Variants in OPCML observed in about 807,000 individuals in gnomAD.
OPCML encodes opioid-binding protein/cell adhesion molecule.
In OPCML, 13 loss-of-function variants were observed where a neutral mutation model predicts 37.8. The ratio of observed to expected loss-of-function variants is 0.34; its 90% CI spans 0.22 to 0.55. OPCML has a LOEUF of 0.55. OPCML is among the 20% of genes least tolerant of loss of function. OPCML has a pLI of 0.91. For missense variants in OPCML, 341 were observed against 435.6 expected, an observed-to-expected ratio of 0.78 and a Z score of 1.93; for synonymous variants, 176 against 168.8, an observed-to-expected ratio of 1.04 and a Z score of -0.33.
intron 1 of OPCML, among the ~76,000 whole-genome samples, chr11:133,178,360 C>T (rs1937651362): frequency 6.6e-6 from 1 of 152,070 alleles, no homozygotes; most frequent in South Asian, 2.1e-4. Context: ...CTCTGGGGGA[C>T]ATGGTTCGCA....
At chr11:133,410,634 TAAAAAAAAAAAAAA>T (rs71038527) in intron 1 of OPCML, among the ~76,000 whole-genome samples, 127 of 46,982 alleles carry the variant, frequency 2.7e-3, no homozygotes, top group Non-Finnish European at 5.0e-3. Context: ...AGAAAAAAAG[TAAAAAAAAAAAAAA>T]AAAAAAAAAA....
chr11:132,628,141 C>A (rs1018931220), intron 3 of OPCML, among the ~76,000 whole-genome samples: 13 of 151,878 alleles, frequency 8.6e-5, no homozygotes, highest in African/African-American at 3.1e-4. Flanking sequence ...AAGACAGGAG[C>A]CAGGAAGGTG....
intron 4 of OPCML, among the ~76,000 whole-genome samples, chr11:132,505,979 G>A (rs1183944027): frequency 6.6e-6 from 1 of 151,780 alleles, no homozygotes; most frequent in Non-Finnish European, 1.5e-5. Flanking sequence ...CTCCCGGAAA[G>A]AATTTTCAAC....
At chr11:133,220,520 A>G (rs1255320587) in intron 1 of OPCML, among the ~76,000 whole-genome samples, 6 of 152,104 alleles carry the variant, frequency 3.9e-5, no homozygotes, top group Non-Finnish European at 8.8e-5. Flanking sequence ...AGGTCAGAGG[A>G]GGAGAGGTCT....
At chr11:132,833,283 C>T (rs1415406699) in intron 2 of OPCML, among the ~76,000 whole-genome samples, 1 of 152,062 alleles carries the variant, frequency 6.6e-6, no homozygotes, top group Non-Finnish European at 1.5e-5. Flanking sequence ...ACTTTTTAGT[C>T]TGTTTTGTTA....
intron 1 of OPCML, among the ~76,000 whole-genome samples, chr11:133,504,216 T>C (rs1441775854): frequency 1.3e-5 from 2 of 152,204 alleles, no homozygotes; most frequent in African/African-American, 4.8e-5. Flanking sequence ...CCAAATCCCC[T>C]AAAACACTTT....
At chr11:132,517,405 C>A (rs1380559935) in intron 4 of OPCML, among the ~76,000 whole-genome samples, 1 of 152,130 alleles carries the variant, frequency 6.6e-6, no homozygotes, top group Admixed American at 6.5e-5. Context: ...AGGAAACAAA[C>A]CTTTCTAAGA....
In OPCML at chr11:132,529,103, T is replaced by G. The variant is rs763162709; in HGVS notation, c.463A>C (p.Arg155=). 6 of 1,613,424 alleles carry G rather than the reference T, an allele frequency of 3.7e-6. No individual in the cohort carries two copies. The highest frequency in any genetic ancestry group is 3.4e-6 in the Non-Finnish European group (4 of 1,179,638). The change falls in exon 4 of 8, where the codon AGA becomes CGA. Residue 155 remains arginine (R), a synonymous_variant. Coordinates refer to ENST00000524381, the MANE Select transcript of OPCML (RefSeq NM_001012393.5). ...CTCCATGTCACAGTTGGCTCTGGTC[T>G]GCCAATAGCAAGACACAGCAGGGTC... ...SVTLLCLAIG[R]PEPTVTWRHL... is the part of the protein sequence containing the mutation.
chr11:132,543,651 G>T (rs757173597), intron 3 of OPCML, among the ~76,000 whole-genome samples: 14 of 151,946 alleles, frequency 9.2e-5, no homozygotes, highest in Non-Finnish European at 1.9e-4. Flanking sequence ...AACACAATAG[G>T]TTTTGACTCT....
At chr11:132,656,210 T>C (rs539237934) in intron 3 of OPCML, among the ~76,000 whole-genome samples, 52 of 152,264 alleles carry the variant, frequency 3.4e-4, no homozygotes, top group Middle Eastern at 3.4e-3. Flanking sequence ...GTGATGATAG[T>C]TGGGGTCAAG....
intron 3 of OPCML, among the ~76,000 whole-genome samples, chr11:132,633,193 C>T (rs1169943876): frequency 6.6e-6 from 1 of 152,096 alleles, no homozygotes; most frequent in Non-Finnish European, 1.5e-5. Flanking sequence ...TTGAGGGGGA[C>T]AATCGGTAGC....
At chr11:133,505,753 A>C (rs4937787) in intron 1 of OPCML, among the ~76,000 whole-genome samples, 22,181 of 152,236 alleles carry the variant, frequency 0.15, 1,952 homozygotes, top group Admixed American at 0.27. Context: ...CCTCCTTAGA[A>C]AGAGGACATG....
rs745515649 is a variant in OPCML, at chr11:133,163,473, A to G, written c.62-220463T>C. ...AAAGGCTCATTCCTACCAGACAGGA[A>G]GGGGCATGTTCATAGACGTTTAAAA... On this transcript the variant is annotated intron_variant, in intron 1 of 7. Coordinates refer to ENST00000524381, the MANE Select transcript of OPCML (RefSeq NM_001012393.5). Among the ~76,000 whole-genome samples the G allele has an allele frequency of 3.5e-4, 53 of 152,364 alleles. 1 individual carries two copies. Among genetic ancestry groups the G allele is most frequent in the Admixed American group, 9.1e-4 (14 of 15,312 alleles).
At chr11:132,880,189 C>G (rs751471032) in intron 2 of OPCML, among the ~76,000 whole-genome samples, 3 of 151,974 alleles carry the variant, frequency 2.0e-5, no homozygotes, top group Non-Finnish European at 4.4e-5. Flanking sequence ...CCAGGAAGAA[C>G]ATGAAATTAA....
intron 2 of OPCML, among the ~76,000 whole-genome samples, chr11:132,724,871 C>CT: frequency 6.6e-6 from 1 of 152,210 alleles, no homozygotes; most frequent in East Asian, 1.9e-4. Context: ...AAATGATCTC[C>CT]TTTGACTCCA....
chr11:133,273,098 C>T (rs1394655771), intron 1 of OPCML, among the ~76,000 whole-genome samples: 1 of 152,164 alleles, frequency 6.6e-6, no homozygotes, highest in East Asian at 1.9e-4. Context: ...TGGCAGAGCA[C>T]CAGATAGCAG....
At chr11:132,796,354 C>T (rs929808595) in intron 2 of OPCML, among the ~76,000 whole-genome samples, 6 of 152,044 alleles carry the variant, frequency 3.9e-5, no homozygotes, top group South Asian at 2.1e-4. Flanking sequence ...GGAACATTTG[C>T]GCATAAGTTT....
intron 2 of OPCML, among the ~76,000 whole-genome samples, chr11:132,799,321 T>A (rs1280634260): frequency 6.6e-6 from 1 of 152,168 alleles, no homozygotes; most frequent in Non-Finnish European, 1.5e-5. Flanking sequence ...CCTTGCACAT[T>A]TATGGAGATG....
At chr11:133,262,518 A>C (rs1941525282) in intron 1 of OPCML, among the ~76,000 whole-genome samples, 1 of 152,202 alleles carries the variant, frequency 6.6e-6, no homozygotes, top group African/African-American at 2.4e-5. Context: ...TCTGCAGAGG[A>C]AAGTACTGAG....
Sources: allele counts gnomAD v4.1 joint callset (sites outside exome capture counted in the v4.1 genomes callset), GRCh38; gene constraint gnomAD v4.1.1; transcripts MANE v1.5; gene names NCBI Gene and HGNC (gene_info 2026-07-23, HGNC 2026-07-21).